The following PRICKLE1 variants were observed in gnomAD, a reference collection of about 807,000 sequenced individuals.
PRICKLE1 encodes the protein prickle planar cell polarity protein 1.
A neutral mutation model predicts 70.2 loss-of-function variants in PRICKLE1; 14 were observed. That is an observed-to-expected ratio of 0.20 (90% CI 0.13 to 0.31). The LOEUF (loss-of-function observed/expected upper bound fraction) is 0.31. Among genes scored for constraint, PRICKLE1 ranks in the 10% least tolerant of loss-of-function variants. The pLI is 1.00. For missense variants in PRICKLE1, 821 were observed against 1,026.2 expected (o/e 0.80, Z 2.73); for synonymous variants, 357 against 379.9 (o/e 0.94, Z 0.70).
At chr12:42,541,662 A>G (rs1444869139) in intron 1 of PRICKLE1, among the ~76,000 whole-genome samples, 1 of 152,094 alleles carries the variant, frequency 6.6e-6, no homozygotes, top group Non-Finnish European at 1.5e-5. Context: ...TTTTGAGCAC[A>G]GAACTGTTTT....
intron 1 of PRICKLE1, among the ~76,000 whole-genome samples, chr12:42,476,624 C>T (rs905344491): frequency 7.5e-5 from 11 of 146,864 alleles, no homozygotes; most frequent in African/African-American, 2.5e-4. Flanking sequence ...CTTCTAGCAA[C>T]TTATTTACCT....
chr12:42,523,068 T>G (rs1177166351), intron 1 of PRICKLE1, among the ~76,000 whole-genome samples: 1 of 152,048 alleles, frequency 6.6e-6, no homozygotes, highest in African/African-American at 2.4e-5. Context: ...TTCACACCAT[T>G]CTCCTGCCTC....
At chr12:42,545,210 C>T (rs1488208129) in intron 1 of PRICKLE1, among the ~76,000 whole-genome samples, 2 of 152,004 alleles carry the variant, frequency 1.3e-5, no homozygotes, top group African/African-American at 2.4e-5. Context: ...CGCCATGTTG[C>T]CCAGGGTAGT....
At chr12:42,575,878 A>T (rs6582405) in intron 1 of PRICKLE1, among the ~76,000 whole-genome samples, 39,222 of 151,894 alleles carry the variant, frequency 0.26, 7,308 homozygotes, top group African/African-American at 0.54. Context: ...TTCCTCTTTG[A>T]AGCCTCCCTT....
intron 1 of PRICKLE1, among the ~76,000 whole-genome samples, chr12:42,587,539 A>G (rs1941003457): frequency 6.6e-6 from 1 of 152,238 alleles, no homozygotes; most frequent in Non-Finnish European, 1.5e-5. Flanking sequence ...TAACCTCTAA[A>G]TCCTTTGTAT....
intron 1 of PRICKLE1, among the ~76,000 whole-genome samples, chr12:42,585,280 T>G (rs1405178504): frequency 6.6e-6 from 1 of 152,244 alleles, no homozygotes; most frequent in Non-Finnish European, 1.5e-5. Flanking sequence ...TTTTTACTTT[T>G]ATTTTATATG....
chr12:42,505,756 TG>T lies in PRICKLE1; in HGVS notation c.-48-33193del, dbSNP rs1249614920. Among the ~76,000 whole-genome samples, 44 of 152,294 alleles carry T rather than the reference TG, an allele frequency of 2.9e-4. 1 individual carries two copies. Among genetic ancestry groups the T allele is most frequent in the Admixed American group, 2.7e-3 (41 of 15,294 alleles). The stretch of plus-strand genomic sequence containing the variant: ...CGGCCCAGGTTGCATTTGTTAGTTG[TG>T]CTCCAACAGCAATTGATGCTGAGTG... On this transcript the variant is annotated intron_variant, in intron 1 of 7. Coordinates refer to ENST00000345127, the MANE Select transcript of PRICKLE1 (RefSeq NM_153026.3).
intron 1 of PRICKLE1, among the ~76,000 whole-genome samples, chr12:42,509,850 G>A (rs1319104977): frequency 1.3e-5 from 2 of 151,888 alleles, no homozygotes; most frequent in Admixed American, 6.6e-5. Context: ...TGAGGCAGGC[G>A]GATCATGAGG....
At chr12:42,551,179 C>T (rs947189382) in intron 1 of PRICKLE1, among the ~76,000 whole-genome samples, 6 of 152,150 alleles carry the variant, frequency 3.9e-5, no homozygotes, top group African/African-American at 9.7e-5. Context: ...TGTTAATATG[C>T]ACCTATGCAA....
chr12:42,549,188 A>T (rs1028726288), intron 1 of PRICKLE1, among the ~76,000 whole-genome samples: 1 of 151,764 alleles, frequency 6.6e-6, no homozygotes, highest in African/African-American at 2.4e-5. Context: ...TAGGAAAAAA[A>T]CCATTAGGGG....
chr12:42,463,798 A>C (rs547476435), intron 7 of PRICKLE1: 1 of 164,050 alleles, frequency 6.1e-6, no homozygotes, highest in Non-Finnish European at 1.3e-5. Context: ...CAAGCGTACA[A>C]TATCTTTCAG....
At chr12:42,471,459 T>C (rs774589640) in intron 2 of PRICKLE1, among the ~76,000 whole-genome samples, 2 of 152,164 alleles carry the variant, frequency 1.3e-5, no homozygotes, top group South Asian at 2.1e-4. Context: ...TCTAAGTAGT[T>C]TGTCAAAATA....
chr12:42,581,506 AG>A (rs1940899103), intron 1 of PRICKLE1, among the ~76,000 whole-genome samples: 1 of 152,098 alleles, frequency 6.6e-6, no homozygotes, highest in Admixed American at 6.5e-5. Flanking sequence ...GTACTTTGGG[AG>A]GGCGAGACAG....
intron 1 of PRICKLE1, among the ~76,000 whole-genome samples, chr12:42,557,012 C>A (rs892674776): frequency 6.6e-6 from 1 of 150,890 alleles, no homozygotes; most frequent in African/African-American, 2.4e-5. Context: ...TTTAAAGAGG[C>A]AGGTTCTTAC....
At chr12:42,478,353 T>C (rs1232993662) in intron 1 of PRICKLE1, among the ~76,000 whole-genome samples, 2 of 152,228 alleles carry the variant, frequency 1.3e-5, no homozygotes. Flanking sequence ...ATTTCTCCAG[T>C]GTCTCTCTAT....
intron 1 of PRICKLE1, among the ~76,000 whole-genome samples, chr12:42,525,198 T>C (rs1405025875): frequency 6.6e-6 from 1 of 152,208 alleles, no homozygotes; most frequent in East Asian, 1.9e-4. Context: ...AGTTTCCCGA[T>C]AGCTGAACAC....
chr12:42,533,392 G>T (rs562343141), intron 1 of PRICKLE1, among the ~76,000 whole-genome samples: 1 of 152,040 alleles, frequency 6.6e-6, no homozygotes, highest in Non-Finnish European at 1.5e-5. Context: ...TTTGTTCTGC[G>T]TTTCATACCA....
At chr12:42,471,310 GA>G (rs1938313610) in intron 2 of PRICKLE1, among the ~76,000 whole-genome samples, 3 of 151,894 alleles carry the variant, frequency 2.0e-5, no homozygotes, top group Non-Finnish European at 4.4e-5. Context: ...ATCCCTTAAT[GA>G]GTACTGCAAA....
chr12:42,477,510 A>G (rs61924383), intron 1 of PRICKLE1, among the ~76,000 whole-genome samples: 12 of 24,608 alleles, frequency 4.9e-4, no homozygotes, highest in African/African-American at 1.9e-3. Context: ...ATATATATAT[A>G]TATATATATA....
Sources: allele counts gnomAD v4.1 joint callset (sites outside exome capture counted in the v4.1 genomes callset), GRCh38; gene constraint gnomAD v4.1.1; transcripts MANE v1.5; gene names NCBI Gene and HGNC (gene_info 2026-07-23, HGNC 2026-07-21).